Variants in CCNT2 observed in about 807,000 individuals in gnomAD.
CCNT2 encodes cyclin-T2.
A neutral mutation model predicts 70.0 loss-of-function variants in CCNT2; 18 were observed. The ratio of observed to expected loss-of-function variants is 0.26; its 90% CI spans 0.18 to 0.38. CCNT2 has a LOEUF of 0.38. CCNT2 is among the 10% of genes least tolerant of loss of function. The pLI is 1.00. For synonymous variants in CCNT2, 334 were observed against 313.3 expected, an observed-to-expected ratio of 1.07 and a Z score of -0.70; for missense variants, 734 against 890.2, an observed-to-expected ratio of 0.82 and a Z score of 2.23.
At chr2:134,939,627 G>A (rs1317433900) in intron 4 of CCNT2, among the ~76,000 whole-genome samples, 3 of 151,894 alleles carry the variant, frequency 2.0e-5, no homozygotes, top group Non-Finnish European at 4.4e-5. Flanking sequence ...TGCCACACCT[G>A]GTTATTTTTT....
chr2:134,922,255 ATAAGT>A (rs1017249709), intron 2 of CCNT2, among the ~76,000 whole-genome samples: 1 of 152,258 alleles, frequency 6.6e-6, no homozygotes, highest in Non-Finnish European at 1.5e-5. Context: ...ACAAGCTTAA[ATAAGT>A]TAAGATGCTA....
intron 7 of CCNT2, among the ~76,000 whole-genome samples, chr2:134,949,802 C>CCGG (rs747759528): frequency 2.0e-5 from 1 of 48,900 alleles, no homozygotes; most frequent in East Asian, 6.1e-4. Context: ...ATTTTTTTTT[C>CCGG]GGGGGGGGGG....
intron 2 of CCNT2, among the ~76,000 whole-genome samples, chr2:134,923,151 C>T (rs549735416): frequency 2.0e-5 from 3 of 151,988 alleles, no homozygotes; most frequent in Non-Finnish European, 2.9e-5. Flanking sequence ...TGTGGTGGCA[C>T]GTGCCTGTAA....
Position 134,947,839 on chromosome 2 carries a change from A to G in CCNT2, c.643A>G (p.Thr215Ala). 1 of 1,558,138 alleles carries G rather than the reference A, an allele frequency of 6.4e-7. No homozygotes were observed. The highest frequency in any genetic ancestry group is 8.8e-7 in the Non-Finnish European group (1 of 1,139,630). ...GTCCAATTGGGAGATCCCTGTATCAACTGATGGAAAGCATTGGTGGGAATA... is the reference window on the plus strand; with the variant it reads ...GTCCAATTGGGAGATCCCTGTATCAGCTGATGGAAAGCATTGGTGGGAATA... Reference protein sequence around the residue: ...KWSNWEIPVSTDGKHWWEYVD... With the variant: ...KWSNWEIPVSADGKHWWEYVD... Residue 215 changes from threonine (T) to alanine (A), a missense_variant, in exon 7 of 9, where the codon ACT (threonine) becomes GCT (alanine). This residue lies in a region of CCNT2 where 161 missense variants were observed against 303.8 expected (regional missense o/e 0.53). Coordinates refer to ENST00000264157, the MANE Select transcript of CCNT2 (RefSeq NM_058241.3).
At chr2:134,933,794 TAATA>T (rs1680955094) in intron 2 of CCNT2, among the ~76,000 whole-genome samples, 2 of 152,306 alleles carry the variant, frequency 1.3e-5, no homozygotes, top group Admixed American at 1.3e-4. Context: ...TTCAACATAA[TAATA>T]ATATTTGAGT....
rs1472388120 is a variant in CCNT2 at position 134,944,663 on chromosome 2, A to G, written c.494-1438A>G. 9.2e-6 allele frequency: 9 copies of G among 981,770 alleles called. No homozygotes were observed. The East Asian group carries it at 4.5e-4, about 49-fold the overall frequency. 60.8% of individuals were successfully genotyped at this position (981,770 alleles called of 1,614,324 possible). ...GATTCTTTGAGTACAAACCATATAT[A>G]TGTTTAATGTCATTTTGTCTGACTA... On this transcript the variant is annotated intron_variant, in intron 5 of 8. Coordinates refer to ENST00000264157, the MANE Select transcript of CCNT2 (RefSeq NM_058241.3).
chr2:134,953,241 A>T lies in CCNT2; in HGVS notation c.786A>T (p.Ala262=), dbSNP rs34015791. 2.3e-4 allele frequency: 377 copies of T among 1,606,570 alleles called. 1 individual carries two copies. The African/African-American group carries it at 4.2e-3, about 18-fold the overall frequency. ...KKIRNWRANQ[A]ARKPKVDGQV... is the part of the protein sequence containing the mutation. ...TTTTATTTTAATAGGCTAATCAGGCAGCTAGGAAACCAAAAGTAGATGGAC... is the reference window on the plus strand; with the variant it reads ...TTTTATTTTAATAGGCTAATCAGGCTGCTAGGAAACCAAAAGTAGATGGAC... Residue 262 remains alanine (A), a synonymous_variant, in exon 9 of 9, where the codon GCA becomes GCT. Transcript: ENST00000264157.
At chr2:134,939,922 C>T (rs934977597) in intron 4 of CCNT2, among the ~76,000 whole-genome samples, 3 of 152,166 alleles carry the variant, frequency 2.0e-5, no homozygotes, top group African/African-American at 7.2e-5. Context: ...TATCTAAAGT[C>T]ATATGTTAGT....
At position 134,953,366 on chromosome 2, in the gene CCNT2, C is replaced by T. The variant is rs750737788; in HGVS notation, c.911C>T (p.Pro304Leu). 2 of 1,602,652 alleles carry T rather than the reference C, an allele frequency of 1.2e-6. No homozygotes were observed. The highest frequency in any genetic ancestry group is 8.5e-7 in the Non-Finnish European group (1 of 1,173,864). The change falls in exon 9 of 9, where the codon CCA becomes CTA. Residue 304 changes from proline to leucine, a missense_variant. Coordinates refer to ENST00000264157, the MANE Select transcript of CCNT2 (RefSeq NM_058241.3). The part of the protein sequence containing the change: ...GVPTNPSFQK[P>L]STSAFPAPVP... ...CCTACAAACCCAAGTTTTCAGAAACCATCTACATCAGCATTCCCTGCGCCA... is the reference window on the plus strand; with the variant it reads ...CCTACAAACCCAAGTTTTCAGAAACTATCTACATCAGCATTCCCTGCGCCA...
Position 134,928,274 on chromosome 2 carries a change from C to CTTTTTTTTTTTTTTTTTTTTTTTTTT in CCNT2, c.240+8402_240+8403insTTTTTTTTTTTTTTTTTTTTTTTTTT, listed in dbSNP as rs551173090. Reference sequence around the variant, plus strand: ...CCATGCCCGGCCTCACATTGTATTTCTTTTTTTTTTTTTTTTTTTCTGAGA... The same window carrying CTTTTTTTTTTTTTTTTTTTTTTTTTT: ...CCATGCCCGGCCTCACATTGTATTTCTTTTTTTTTTTTTTTTTTTTTTTTTTTTTTTTTTTTTTTTTTTTTCTGAGA... On this transcript the variant is annotated intron_variant, in intron 2 of 8. Coordinates refer to ENST00000264157, the MANE Select transcript of CCNT2 (RefSeq NM_058241.3). 6.3e-4 allele frequency among the ~76,000 whole-genome samples: 61 copies of CTTTTTTTTTTTTTTTTTTTTTTTTTT among 96,388 alleles called. 6 individuals carry two copies. Among genetic ancestry groups the CTTTTTTTTTTTTTTTTTTTTTTTTTT allele is most frequent in the South Asian group, 1.5e-3 (4 of 2,714 alleles). The allele number at this position is 96,388 out of a possible 152,430, so 63.2% of individuals were successfully genotyped here.
At chr2:134,935,560 A>T (rs1681087761) in intron 2 of CCNT2, among the ~76,000 whole-genome samples, 1 of 152,182 alleles carries the variant, frequency 6.6e-6, no homozygotes, top group Admixed American at 6.5e-5. Flanking sequence ...TGAGGCTCAA[A>T]TGTTCATCTC....
At chr2:134,925,200 T>A (rs1389932160) in intron 2 of CCNT2, among the ~76,000 whole-genome samples, 1 of 152,182 alleles carries the variant, frequency 6.6e-6, no homozygotes, top group Non-Finnish European at 1.5e-5. Context: ...ATACTCTAAT[T>A]CTGTCATTTC....
In CCNT2 at chr2:134,957,888, T is replaced by G. The variant is rs1397614816; in HGVS notation, c.*3240T>G. The G allele has an allele frequency of 2.0e-5, 2 of 99,746 alleles. No homozygotes were observed. The highest frequency in any genetic ancestry group is 8.3e-5 in the African/African-American group (2 of 24,214). 6.2% of individuals were successfully genotyped at this position (99,746 alleles called of 1,614,324 possible). The stretch of plus-strand genomic sequence containing the variant: ...CGTATATTGCTTTGTAGCAACAGAT[T>G]GTATTAATAATTAATAGAATACCTA... On this transcript the variant is annotated 3_prime_UTR_variant, in exon 9 of 9. Transcript: ENST00000264157.
intron 7 of CCNT2, among the ~76,000 whole-genome samples, chr2:134,951,739 T>C (rs1274084315): frequency 6.6e-6 from 1 of 152,208 alleles, no homozygotes; most frequent in Non-Finnish European, 1.5e-5. Context: ...GTATACCCTT[T>C]AGCTTCTCCT....
intron 2 of CCNT2, among the ~76,000 whole-genome samples, chr2:134,926,204 T>G (rs1025450857): frequency 2.6e-5 from 4 of 152,168 alleles, no homozygotes; most frequent in Non-Finnish European, 4.4e-5. Context: ...CTTACAGTCT[T>G]TGTGTGAACT....
chr2:134,930,014 A>G (rs1214422276), intron 2 of CCNT2, among the ~76,000 whole-genome samples: 1 of 152,120 alleles, frequency 6.6e-6, no homozygotes, highest in Non-Finnish European at 1.5e-5. Context: ...TACAATTCAT[A>G]TACCGTAAAA....
At chr2:134,943,176 T>C (rs1681693458) in intron 5 of CCNT2, 1 of 801,502 alleles carries the variant, frequency 1.2e-6, no homozygotes, top group Non-Finnish European at 1.5e-6. Context: ...CAAGGCAGGC[T>C]GATCGCTTGA....
intron 5 of CCNT2, chr2:134,944,460 A>T: frequency 5.2e-6 from 5 of 966,136 alleles, no homozygotes; most frequent in Non-Finnish European, 6.2e-6. Context: ...TTTATCAGAG[A>T]TTAATATTTT....
At chr2:134,951,611 TAGG>T (rs1193923023) in intron 7 of CCNT2, among the ~76,000 whole-genome samples, 2 of 152,022 alleles carry the variant, frequency 1.3e-5, no homozygotes, top group Non-Finnish European at 2.9e-5. Flanking sequence ...GAGGCCAAGA[TAGG>T]AGGATCACTT....
Sources: allele counts gnomAD v4.1 joint callset (sites outside exome capture counted in the v4.1 genomes callset), GRCh38; gene constraint gnomAD v4.1.1; regional missense constraint gnomAD v4.1.1; transcripts MANE v1.5; gene names NCBI Gene and HGNC (gene_info 2026-07-23, HGNC 2026-07-21).